The following ZXDB variants were observed in gnomAD, a reference collection of about 807,000 sequenced individuals.
ZXDB encodes the protein zinc finger X-linked protein ZXDB.
For synonymous variants in ZXDB, 273 were observed against 314.3 expected, an observed-to-expected ratio of 0.87 and a Z score of 1.39; for missense variants, 413 against 679.1, an observed-to-expected ratio of 0.61 and a Z score of 4.36.
In ZXDB at chrX:57,593,301, T is replaced by G. The variant is rs1203381785; in HGVS notation, c.1253T>G (p.Phe418Cys). Residue 418 changes from phenylalanine (F) to cysteine (C), a missense_variant, in exon 1 of 1, where the codon TTC (phenylalanine) becomes TGC (cysteine). Physicochemically the swap from Phe to Cys is radical, Grantham distance 205. Coordinates refer to ENST00000374888, the MANE Select transcript of ZXDB (RefSeq NM_007157.4). Reference sequence around the variant, plus strand: ...CTGTTTTCCCATAACCGCGCCCATTTCAGGGAACAGGAACTGTTTTCCTGC... The same window carrying G: ...CTGTTTTCCCATAACCGCGCCCATTGCAGGGAACAGGAACTGTTTTCCTGC... ...SALFSHNRAH[F>C]REQELFSCSF... 8 of 1,209,990 alleles carry G rather than the reference T, an allele frequency of 6.6e-6. No homozygotes were observed. Among genetic ancestry groups the G allele is most frequent in the Non-Finnish European group, 8.9e-6 (8 of 895,186 alleles).
At position 57,594,294 on chromosome X, in the gene ZXDB, C is replaced by T. The variant is rs758787926; in HGVS notation, c.2246C>T (p.Ser749Leu). ...PSSTLCENSV[S>L]ELLTPTKAEW... ...AGCACCCTTTGTGAAAACAGTGTCT[C>T]AGAACTACTGACACCAACCAAAGCG... The change falls in exon 1 of 1, where the codon TCA (serine) becomes TTA (leucine). Residue 749 changes from serine to leucine, a missense_variant. By Grantham distance (145) the Ser-to-Leu change is moderately radical (BLOSUM62 -2). Transcript: ENST00000374888. 3.2e-5 allele frequency: 39 copies of T among 1,209,852 alleles called. No homozygotes were observed. Among genetic ancestry groups the T allele is most frequent in the Non-Finnish European group, 4.0e-5 (36 of 895,282 alleles).
In ZXDB at chrX:57,596,667, C is replaced by T. The variant is rs187456227; in HGVS notation, c.*2207C>T. The T allele has an allele frequency of 6.5e-5, 8 of 122,917 alleles. No homozygotes were observed. The highest frequency in any genetic ancestry group is 7.5e-4 in the South Asian group (2 of 2,656). The allele number at this position is 122,917 out of a possible 1,213,427, so 10.1% of individuals were successfully genotyped here. On this transcript the variant is annotated 3_prime_UTR_variant, in exon 1 of 1. Transcript: ENST00000374888. The stretch of plus-strand genomic sequence containing the variant: ...GATTCATTCCTGTGTCAAGGTTAGT[C>T]GCTGTTTTCCATTTGAATTGGTTTC...
chrX:57,594,736 G>T lies in ZXDB; in HGVS notation c.*276G>T. On this transcript the variant is annotated 3_prime_UTR_variant, in exon 1 of 1. Coordinates refer to ENST00000374888, the MANE Select transcript of ZXDB (RefSeq NM_007157.4). ...ATTGCTTTTAAGGTCTTTCTGCTCT[G>T]TGATTCCTTGATAATACATTTCTTT... The T allele has an allele frequency of 7.4e-6, 2 of 269,852 alleles. No homozygotes were observed. Among genetic ancestry groups the T allele is most frequent in the Non-Finnish European group, 1.4e-5 (2 of 147,679 alleles). The allele number at this position is 269,852 out of a possible 1,213,427, so 22.2% of individuals were successfully genotyped here.
chrX:57,594,712 T>C lies in ZXDB; in HGVS notation c.*252T>C. 1 of 329,049 alleles carries C rather than the reference T, an allele frequency of 3.0e-6. No homozygotes were observed. The highest frequency in any genetic ancestry group is 9.9e-5 in the South Asian group (1 of 10,081). 27.1% of individuals were successfully genotyped at this position (329,049 alleles called of 1,213,427 possible). A position where few individuals can be genotyped will look rare whatever the true frequency, so the allele number is the denominator to read the frequency against. ...TATAAATTGAGGTGGTTTGAATAGATTGCTTTTAAGGTCTTTCTGCTCTGT... is the reference window on the plus strand; with the variant it reads ...TATAAATTGAGGTGGTTTGAATAGACTGCTTTTAAGGTCTTTCTGCTCTGT... On this transcript the variant is annotated 3_prime_UTR_variant, in exon 1 of 1. Transcript: ENST00000374888.
In ZXDB at chrX:57,594,465, A is replaced by G; in HGVS notation, c.*5A>G. On this transcript the variant is annotated 3_prime_UTR_variant, in exon 1 of 1. Transcript: ENST00000374888. ...GGCAGCTCATTTTTGGTATGAACCA[A>G]CTCTATTCATTCCTCATCATGTGGC... The G allele has an allele frequency of 8.4e-7, 1 of 1,191,365 alleles. No individual in the cohort carries two copies. The highest frequency in any genetic ancestry group is 1.1e-6 in the Non-Finnish European group (1 of 885,898).
In ZXDB at chrX:57,592,292, AGCGGCGGCG is replaced by A. The variant is rs762823700; in HGVS notation, c.260_268del (p.Gly87_Gly89del). ...GTTGGCGCCGAGGACCGATCAACCTAGCGGCGGCGGCGGCGGCGGCGGCGACGACTTCTT... is the reference window on the plus strand; with the variant it reads ...GTTGGCGCCGAGGACCGATCAACCTAGCGGCGGCGGCGGCGACGACTTCTT... On this transcript the variant is annotated inframe_deletion, in exon 1 of 1. Transcript: ENST00000374888. The A allele has an allele frequency of 2.0e-4, 241 of 1,183,734 alleles. No homozygotes were observed. In the African/African-American group the frequency reaches 3.3e-3, roughly 16 times the overall value.
chrX:57,594,406 T>G lies in ZXDB; in HGVS notation c.2358T>G (p.Gly786=), dbSNP rs1471839145. 1 of 1,211,536 alleles carries G rather than the reference T, an allele frequency of 8.3e-7. No individual in the cohort carries two copies. Among genetic ancestry groups the G allele is most frequent in the Non-Finnish European group, 1.1e-6 (1 of 895,377 alleles). The part of the protein sequence containing the change: ...FGFPNAAGNH[G]SQKETDLITV... ...TCCCCAATGCAGCAGGAAACCATGG[T>G]TCTCAGAAAGAAACAGATCTTATCA... Residue 786 remains glycine, a synonymous_variant, in exon 1 of 1, where the codon GGT becomes GGG. Coordinates refer to ENST00000374888, the MANE Select transcript of ZXDB (RefSeq NM_007157.4).
chrX:57,592,598 G>T lies in ZXDB; in HGVS notation c.550G>T (p.Val184Phe). 8.3e-7 allele frequency: 1 copy of T among 1,198,694 alleles called. No homozygotes were observed. Among genetic ancestry groups the T allele is most frequent in the Non-Finnish European group, 1.1e-6 (1 of 890,524 alleles). Residue 184 changes from valine (V) to phenylalanine (F), a missense_variant, in exon 1 of 1, where the codon GTC becomes TTC. Coordinates refer to ENST00000374888, the MANE Select transcript of ZXDB (RefSeq NM_007157.4). ...QDLLLRFENG[V>F]LTLATPPPHA... Reference sequence around the variant, plus strand: ...CCTGCTGTTGCGCTTTGAGAACGGCGTCCTCACCCTGGCCACGCCCCCACC... The same window carrying T: ...CCTGCTGTTGCGCTTTGAGAACGGCTTCCTCACCCTGGCCACGCCCCCACC...
rs1037647908 is a variant in ZXDB at position 57,595,791 on chromosome X, T to C, written c.*1331T>C. On this transcript the variant is annotated 3_prime_UTR_variant, in exon 1 of 1. Coordinates refer to ENST00000374888, the MANE Select transcript of ZXDB (RefSeq NM_007157.4). ...AACAGACCCAGGGCTAAATTTTGGC[T>C]CTGTGGTGTTGGATAAGTGGCCTTG... 1 of 123,426 alleles carries C rather than the reference T, an allele frequency of 8.1e-6. No individual in the cohort carries two copies. Among genetic ancestry groups the C allele is most frequent in the Non-Finnish European group, 1.9e-5 (1 of 53,316 alleles). The allele number at this position is 123,426 out of a possible 1,213,427, so 10.2% of individuals were successfully genotyped here. A position where few individuals can be genotyped will look rare whatever the true frequency, so the allele number is the denominator to read the frequency against.
rs778715105 is a variant in ZXDB at position 57,592,276 on chromosome X, G to A, written c.228G>A (p.Pro76=). Residue 76 remains proline, a synonymous_variant, in exon 1 of 1, where the codon CCG becomes CCA. Coordinates refer to ENST00000374888, the MANE Select transcript of ZXDB (RefSeq NM_007157.4). ...SRGPGPSLLA[P]RTDQPSGGGG... is the part of the protein sequence containing the mutation. Reference sequence around the variant, plus strand: ...GCCCTGGCCCAAGCCTGTTGGCGCCGAGGACCGATCAACCTAGCGGCGGCG... The same window carrying A: ...GCCCTGGCCCAAGCCTGTTGGCGCCAAGGACCGATCAACCTAGCGGCGGCG... 9.0e-5 allele frequency: 106 copies of A among 1,181,531 alleles called. No individual in the cohort carries two copies. Among genetic ancestry groups the A allele is most frequent in the Middle Eastern group, 3.3e-4 (1 of 3,075 alleles).
Position 57,594,241 on chromosome X carries a change from A to G in ZXDB, c.2193A>G (p.Thr731=). 2 of 1,211,673 alleles carry G rather than the reference A, an allele frequency of 1.7e-6. No individual in the cohort carries two copies. Among genetic ancestry groups the G allele is most frequent in the Non-Finnish European group, 2.2e-6 (2 of 895,518 alleles). ...PQALTPSSKL[T]VDTDALTPSS... Reference sequence around the variant, plus strand: ...CTTTGACACCCAGCAGTAAGCTAACAGTGGACACAGATGCTCTGACTCCTT... The same window carrying G: ...CTTTGACACCCAGCAGTAAGCTAACGGTGGACACAGATGCTCTGACTCCTT... The change falls in exon 1 of 1, where the codon ACA becomes ACG. Residue 731 remains threonine (T), a synonymous_variant. Coordinates refer to ENST00000374888, the MANE Select transcript of ZXDB (RefSeq NM_007157.4).
chrX:57,594,243 T>C lies in ZXDB; in HGVS notation c.2195T>C (p.Val732Ala). Residue 732 changes from valine to alanine, a missense_variant, in exon 1 of 1, where the codon GTG becomes GCG. Coordinates refer to ENST00000374888, the MANE Select transcript of ZXDB (RefSeq NM_007157.4). ...QALTPSSKLT[V>A]DTDALTPSST... is the part of the protein sequence containing the mutation. ...TTGACACCCAGCAGTAAGCTAACAG[T>C]GGACACAGATGCTCTGACTCCTTCG... 8.3e-7 allele frequency: 1 copy of C among 1,211,503 alleles called. No individual in the cohort carries two copies. Among genetic ancestry groups the C allele is most frequent in the Non-Finnish European group, 1.1e-6 (1 of 895,494 alleles).
At position 57,594,836 on chromosome X, in the gene ZXDB, G is replaced by T. The variant is rs1388873391; in HGVS notation, c.*376G>T. On this transcript the variant is annotated 3_prime_UTR_variant, in exon 1 of 1. Coordinates refer to ENST00000374888, the MANE Select transcript of ZXDB (RefSeq NM_007157.4). The stretch of plus-strand genomic sequence containing the variant: ...TTAACTGCCCCCCCAGCCCTGACAT[G>T]TTCTTTTTTTGGCAAACATACATAA... The T allele has an allele frequency of 1.3e-5, 2 of 150,286 alleles. No homozygotes were observed. Among genetic ancestry groups the T allele is most frequent in the Non-Finnish European group, 2.8e-5 (2 of 71,142 alleles). The allele number at this position is 150,286 out of a possible 1,213,427, so 12.4% of individuals were successfully genotyped here.
Position 57,595,667 on chromosome X carries a change from C to CA in ZXDB, c.*1214dup, listed in dbSNP as rs1470313516. 8.1e-6 allele frequency: 1 copy of CA among 123,053 alleles called. No individual in the cohort carries two copies. Among genetic ancestry groups the CA allele is most frequent in the South Asian group, 3.7e-4 (1 of 2,714 alleles). 10.1% of individuals were successfully genotyped at this position (123,053 alleles called of 1,213,427 possible). On this transcript the variant is annotated 3_prime_UTR_variant, in exon 1 of 1. Transcript: ENST00000374888. The stretch of plus-strand genomic sequence containing the variant: ...AGAACTAACAAGAAAAAATAGATAG[C>CA]AAAAAAATGTGTTGGCTGTTCTCAC...
chrX:57,596,426 G>T lies in ZXDB; in HGVS notation c.*1966G>T, dbSNP rs1352997213. The T allele has an allele frequency of 8.1e-6, 1 of 123,305 alleles. No individual in the cohort carries two copies. The highest frequency in any genetic ancestry group is 2.8e-4 in the East Asian group (1 of 3,591). The allele number at this position is 123,305 out of a possible 1,213,427, so 10.2% of individuals were successfully genotyped here. A position where few individuals can be genotyped will look rare whatever the true frequency, so the allele number is the denominator to read the frequency against. ...AAACTATCTGTCTTACATTAGTGTA[G>T]CATTTTGCAATTTGGGGAACATCTT... On this transcript the variant is annotated 3_prime_UTR_variant, in exon 1 of 1. Coordinates refer to ENST00000374888, the MANE Select transcript of ZXDB (RefSeq NM_007157.4).
chrX:57,594,518 A>T lies in ZXDB; in HGVS notation c.*58A>T, dbSNP rs904634825. 1.4e-5 allele frequency: 16 copies of T among 1,134,684 alleles called. No homozygotes were observed. In the Admixed American group the frequency reaches 3.3e-4, roughly 23 times the overall value. 93.5% of individuals were successfully genotyped at this position (1,134,684 alleles called of 1,213,427 possible). On this transcript the variant is annotated 3_prime_UTR_variant, in exon 1 of 1. Coordinates refer to ENST00000374888, the MANE Select transcript of ZXDB (RefSeq NM_007157.4). ...ACTTTTATTACAGTCAATTTTGAGG[A>T]TATTCTGGACTAAATATTTAAGTGC...
rs1233004372 is a variant in ZXDB at position 57,596,095 on chromosome X, CT to C, written c.*1636del. ...GTAGGCAAGGGAATCTGTTTACTCC[CT>C]CTTCCCTCTACTGAATAATTTTCCC... On this transcript the variant is annotated 3_prime_UTR_variant, in exon 1 of 1. Coordinates refer to ENST00000374888, the MANE Select transcript of ZXDB (RefSeq NM_007157.4). The C allele has an allele frequency of 8.1e-6, 1 of 123,126 alleles. No individual in the cohort carries two copies. The highest frequency in any genetic ancestry group is 1.9e-5 in the Non-Finnish European group (1 of 53,237). 10.1% of individuals were successfully genotyped at this position (123,126 alleles called of 1,213,427 possible). A position where few individuals can be genotyped will look rare whatever the true frequency, so the allele number is the denominator to read the frequency against.
At position 57,593,119 on chromosome X, in the gene ZXDB, C is replaced by T. The variant is rs1285791528; in HGVS notation, c.1071C>T (p.Gly357=). 8.3e-7 allele frequency: 1 copy of T among 1,210,242 alleles called. No individual in the cohort carries two copies. The highest frequency in any genetic ancestry group is 1.1e-6 in the Non-Finnish European group (1 of 895,269). The part of the protein sequence containing the change: ...TVYNLKAHMK[G]HEQENSFKCE... ...ACAACCTCAAGGCGCACATGAAGGG[C>T]CATGAGCAGGAGAACTCATTCAAAT... is the stretch of plus-strand genomic sequence containing the variant. Residue 357 remains glycine, a synonymous_variant, in exon 1 of 1, where the codon GGC becomes GGT. Coordinates refer to ENST00000374888, the MANE Select transcript of ZXDB (RefSeq NM_007157.4).
Position 57,594,471 on chromosome X carries a change from T to G in ZXDB, c.*11T>G. On this transcript the variant is annotated 3_prime_UTR_variant, in exon 1 of 1. Transcript: ENST00000374888. Reference sequence around the variant, plus strand: ...TCATTTTTGGTATGAACCAACTCTATTCATTCCTCATCATGTGGCTTACTT... The same window carrying G: ...TCATTTTTGGTATGAACCAACTCTAGTCATTCCTCATCATGTGGCTTACTT... The G allele has an allele frequency of 8.4e-7, 1 of 1,185,964 alleles. No individual in the cohort carries two copies. The highest frequency in any genetic ancestry group is 1.9e-5 in the South Asian group (1 of 52,355).
Sources: gnomAD v4.1 joint callset for allele counts on GRCh38, gnomAD v4.1.1 for gene constraint, MANE v1.5 for transcripts, NCBI Gene and HGNC (gene_info 2026-07-23, HGNC 2026-07-21) for gene names.